The following SPOCK1 variants were observed in gnomAD, a reference collection of about 807,000 sequenced individuals.
SPOCK1 encodes the protein SPARC (osteonectin), cwcv and kazal like domains proteoglycan 1.
A neutral mutation model predicts 55.3 loss-of-function variants in SPOCK1; 23 were observed. That is an observed-to-expected ratio of 0.42 (90% CI 0.30 to 0.59). The LOEUF is 0.59. Ranked by LOEUF, SPOCK1 falls within the 20% of genes least tolerant of loss-of-function variation. The pLI, the probability that SPOCK1 is intolerant of heterozygous loss-of-function variation, is 0.22. For synonymous variants in SPOCK1, 226 were observed against 221.0 expected, an observed-to-expected ratio of 1.02 and a Z score of -0.20; for missense variants, 499 against 552.5, an observed-to-expected ratio of 0.90 and a Z score of 0.97.
chr5:137,034,444 G>T (rs1378987846), intron 6 of SPOCK1, among the ~76,000 whole-genome samples: 1 of 152,158 alleles, frequency 6.6e-6, no homozygotes, highest in Non-Finnish European at 1.5e-5. Flanking sequence ...ATCCCTACAG[G>T]CAGCTGTTGG....
chr5:137,094,784 T>A (rs1753111903), intron 5 of SPOCK1, among the ~76,000 whole-genome samples: 1 of 152,260 alleles, frequency 6.6e-6, no homozygotes, highest in African/African-American at 2.4e-5. Flanking sequence ...AGCAATGTGA[T>A]GCTACTTGAT....
In SPOCK1 at chr5:137,483,354, A is replaced by C. The variant is rs190871189; in HGVS notation, c.186+15019T>G. Among the ~76,000 whole-genome samples the C allele has an allele frequency of 1.9e-3, 283 of 152,306 alleles. 1 individual carries two copies. The highest frequency in any genetic ancestry group is 0.014 in the Middle Eastern group (4 of 294). ...CCAGAAATAAAAATAAAAAATAAAA[A>C]GTAATGTATTTGTTCAGTTAGCCCT... is the stretch of plus-strand genomic sequence containing the variant. On this transcript the variant is annotated intron_variant, in intron 2 of 10. Transcript: ENST00000394945.
At chr5:137,232,455 C>A (rs1462637422) in intron 3 of SPOCK1, among the ~76,000 whole-genome samples, 1 of 152,212 alleles carries the variant, frequency 6.6e-6, no homozygotes, top group Non-Finnish European at 1.5e-5. Flanking sequence ...TCTTTTCTCC[C>A]TTGAATTGCA....
At chr5:137,063,954 C>T (rs552530024) in intron 6 of SPOCK1, among the ~76,000 whole-genome samples, 4 of 152,114 alleles carry the variant, frequency 2.6e-5, no homozygotes, top group South Asian at 4.2e-4. Flanking sequence ...CAGAAAACCA[C>T]GGAAGGGCCT....
chr5:137,025,983 T>C (rs958482323), intron 6 of SPOCK1, among the ~76,000 whole-genome samples: 2 of 152,160 alleles, frequency 1.3e-5, no homozygotes, highest in African/African-American at 2.4e-5. Context: ...TAAGGACTCA[T>C]ACAAACAAGT....
At chr5:137,369,352 T>C (rs1391644840) in intron 2 of SPOCK1, among the ~76,000 whole-genome samples, 1 of 152,348 alleles carries the variant, frequency 6.6e-6, no homozygotes, top group East Asian at 1.9e-4. Context: ...ATTCATTCAC[T>C]GTGCTGTTAT....
chr5:137,407,027 C>A (rs1752114381), intron 2 of SPOCK1, among the ~76,000 whole-genome samples: 1 of 152,310 alleles, frequency 6.6e-6, no homozygotes, highest in East Asian at 1.9e-4. Flanking sequence ...GAACTAAGGT[C>A]TTGCCCTTAA....
intron 3 of SPOCK1, among the ~76,000 whole-genome samples, chr5:137,213,066 A>G (rs552388584): frequency 6.6e-6 from 1 of 152,302 alleles, no homozygotes; most frequent in East Asian, 1.9e-4. Flanking sequence ...GAGAAAGCCC[A>G]ATGCAGCAGC....
chr5:137,193,981 C>G lies in SPOCK1; in HGVS notation c.233-53287G>C, dbSNP rs143187211. Reference sequence around the variant, plus strand: ...ATGACGTGGCAATCATGTAGGTAACCTATCAGGCTACCCTAGCCCCAAAAT... The same window carrying G: ...ATGACGTGGCAATCATGTAGGTAACGTATCAGGCTACCCTAGCCCCAAAAT... On this transcript the variant is annotated intron_variant, in intron 3 of 10. Coordinates refer to ENST00000394945, the MANE Select transcript of SPOCK1 (RefSeq NM_004598.4). Among the ~76,000 whole-genome samples, 952 of 152,230 alleles carry G rather than the reference C, an allele frequency of 6.3e-3. 11 individuals are homozygous for G. The highest frequency in any genetic ancestry group is 0.022 in the African/African-American group (895 of 41,512).
chr5:137,083,177 C>T (rs559623046), intron 5 of SPOCK1, among the ~76,000 whole-genome samples: 2 of 152,198 alleles, frequency 1.3e-5, no homozygotes, highest in African/African-American at 4.8e-5. Flanking sequence ...GCGCCCTCAT[C>T]ATGTCATTGC....
intron 6 of SPOCK1, among the ~76,000 whole-genome samples, chr5:137,053,726 C>T (rs1015931659): frequency 6.6e-6 from 1 of 152,116 alleles, no homozygotes; most frequent in African/African-American, 2.4e-5. Context: ...CAGCTCCACT[C>T]ACACCTCTGC....
At chr5:137,240,051 T>C (rs899551102) in intron 3 of SPOCK1, among the ~76,000 whole-genome samples, 24 of 152,184 alleles carry the variant, frequency 1.6e-4, no homozygotes, top group Admixed American at 8.5e-4. Flanking sequence ...GAAAATTCCA[T>C]GTAAAATAGT....
At chr5:137,097,046 G>A (rs944266300) in intron 5 of SPOCK1, among the ~76,000 whole-genome samples, 2 of 152,214 alleles carry the variant, frequency 1.3e-5, no homozygotes, top group Admixed American at 6.5e-5. Context: ...ATTATGTAAT[G>A]TCATGTTATG....
chr5:137,311,386 G>A (rs140961760), intron 2 of SPOCK1, among the ~76,000 whole-genome samples: 3 of 152,144 alleles, frequency 2.0e-5, no homozygotes, highest in Admixed American at 6.5e-5. Flanking sequence ...AATCTGGACC[G>A]CATATTAAAA....
At chr5:137,283,483 G>T (rs1472588749) in intron 2 of SPOCK1, among the ~76,000 whole-genome samples, 1 of 152,204 alleles carries the variant, frequency 6.6e-6, no homozygotes, top group Non-Finnish European at 1.5e-5. Context: ...GGAGGCCGAG[G>T]TGGGCAGATC....
At chr5:137,016,414 T>C (rs1327056510) in intron 6 of SPOCK1, among the ~76,000 whole-genome samples, 1 of 152,214 alleles carries the variant, frequency 6.6e-6, no homozygotes, top group Non-Finnish European at 1.5e-5. Context: ...TTAGAACTCT[T>C]TGCAAGTGAG....
At chr5:137,315,640 C>T (rs1444883983) in intron 2 of SPOCK1, among the ~76,000 whole-genome samples, 3 of 152,184 alleles carry the variant, frequency 2.0e-5, no homozygotes, top group African/African-American at 7.2e-5. Context: ...CCTTTGAGGT[C>T]ATTTCATGAT....
At chr5:137,482,037 C>A (rs752019576) in intron 2 of SPOCK1, among the ~76,000 whole-genome samples, 10 of 152,194 alleles carry the variant, frequency 6.6e-5, no homozygotes, top group African/African-American at 1.9e-4. Context: ...CTTTACCTGG[C>A]AAGTGACTGG....
At chr5:137,239,058 G>C (rs1164396232) in intron 3 of SPOCK1, among the ~76,000 whole-genome samples, 1 of 152,196 alleles carries the variant, frequency 6.6e-6, no homozygotes, top group South Asian at 2.1e-4. Context: ...ATGGGGGCTG[G>C]TTTCCAGAGG....
Sources: gnomAD v4.1 joint callset for allele counts (sites outside exome capture counted in the v4.1 genomes callset) on GRCh38, gnomAD v4.1.1 for gene constraint, MANE v1.5 for transcripts, NCBI Gene and HGNC (gene_info 2026-07-23, HGNC 2026-07-21) for gene names.